The following LRP1B variants were observed in gnomAD, a reference collection of about 807,000 sequenced individuals.
LRP1B encodes the protein LDL receptor related protein 1B.
A neutral mutation model predicts 556.6 loss-of-function variants in LRP1B; 217 were observed. The observed-to-expected ratio is 0.39, with a 90% confidence interval of 0.35 to 0.44. LRP1B has a LOEUF of 0.44. Among genes scored for constraint, LRP1B ranks in the 20% least tolerant of loss-of-function variants. LRP1B has a pLI of 1.00. For missense variants in LRP1B, 5,053 were observed against 5,620.8 expected (o/e 0.90, Z 3.23); for synonymous variants, 2,047 against 1,865.8 (o/e 1.10, Z -2.50).
chr2:141,772,964 A>C (rs980615999), intron 2 of LRP1B, among the ~76,000 whole-genome samples: 4 of 152,196 alleles, frequency 2.6e-5, no homozygotes, highest in African/African-American at 9.7e-5. Context: ...TTTTGTTAAA[A>C]GACATCTCTG....
At chr2:140,772,104 T>C (rs1689333059) in intron 33 of LRP1B, among the ~76,000 whole-genome samples, 1 of 152,224 alleles carries the variant, frequency 6.6e-6, no homozygotes, top group Admixed American at 6.5e-5. Flanking sequence ...TGGCCACTGA[T>C]GAAATCCATT....
At chr2:141,822,481 T>C (rs1456332982) in intron 1 of LRP1B, among the ~76,000 whole-genome samples, 2 of 152,110 alleles carry the variant, frequency 1.3e-5, no homozygotes. Context: ...CTCTATTTTC[T>C]AAATCCTACA....
At chr2:141,637,052 C>T (rs766241060) in intron 2 of LRP1B, among the ~76,000 whole-genome samples, 3 of 151,942 alleles carry the variant, frequency 2.0e-5, no homozygotes, top group African/African-American at 7.2e-5. Context: ...AATTTTTTCT[C>T]GAGAATATAT....
chr2:141,397,618 T>C (rs1288541054), intron 3 of LRP1B, among the ~76,000 whole-genome samples: 3 of 151,898 alleles, frequency 2.0e-5, no homozygotes, highest in Non-Finnish European at 4.4e-5. Context: ...ACCTGGATTT[T>C]TTATTGCTAT....
At chr2:141,383,572 A>G (rs1041902969) in intron 3 of LRP1B, among the ~76,000 whole-genome samples, 1 of 152,148 alleles carries the variant, frequency 6.6e-6, no homozygotes, top group Non-Finnish European at 1.5e-5. Context: ...ATATTATGTC[A>G]AAAATGTATT....
intron 7 of LRP1B, among the ~76,000 whole-genome samples, chr2:141,146,592 C>A (rs1015685567): frequency 3.9e-5 from 6 of 152,072 alleles, no homozygotes; most frequent in African/African-American, 1.4e-4. Flanking sequence ...AATATCCCTG[C>A]TTTATTAAAG....
intron 2 of LRP1B, among the ~76,000 whole-genome samples, chr2:141,636,045 C>T (rs1020634086): frequency 6.6e-6 from 1 of 152,040 alleles, no homozygotes; most frequent in Non-Finnish European, 1.5e-5. Context: ...TCTCCCTCCT[C>T]AATTGACAAT....
At chr2:141,217,633 C>T (rs1015657573) in intron 6 of LRP1B, among the ~76,000 whole-genome samples, 8 of 152,062 alleles carry the variant, frequency 5.3e-5, no homozygotes, top group Admixed American at 2.6e-4. Flanking sequence ...AACTAAAAAT[C>T]CCAGAAGAAA....
rs1686588029 is a variant in LRP1B at position 140,700,360 on chromosome 2, T to A, written c.6689A>T (p.Asp2230Val). 1.2e-6 allele frequency: 2 copies of A among 1,613,310 alleles called. No homozygotes were observed. Among genetic ancestry groups the A allele is most frequent in the Non-Finnish European group, 1.7e-6 (2 of 1,179,628 alleles). The change falls in exon 41 of 91, where the codon GAC (aspartate) becomes GTC (valine). Residue 2230 changes from aspartate (D) to valine (V), a missense_variant. Coordinates refer to ENST00000389484, the MANE Select transcript of LRP1B (RefSeq NM_018557.3). ...GGTACCTTTTCTTCTTTGATTATAG[T>A]CAAAAGCCAAGGCTATGACATTCTT... ...YFKNVIALAFDYNQRRKGTNR... is the reference protein window; with the variant it reads ...YFKNVIALAFVYNQRRKGTNR...
At chr2:140,322,116 T>G in intron 81 of LRP1B, 28 bp from the exon 82 acceptor site, 1 of 1,599,466 alleles carries the variant, frequency 6.3e-7, no homozygotes, top group Non-Finnish European at 8.5e-7. Flanking sequence ...AACAAAGAAG[T>G]GTGTAAATAT....
intron 29 of LRP1B, among the ~76,000 whole-genome samples, chr2:140,844,012 T>A (rs919458138): frequency 1.3e-5 from 2 of 152,136 alleles, no homozygotes; most frequent in African/African-American, 4.8e-5. Context: ...GTCAAATATG[T>A]CTATGTTGAG....
chr2:141,480,868 T>C (rs988524877), intron 2 of LRP1B, among the ~76,000 whole-genome samples: 5 of 152,198 alleles, frequency 3.3e-5, no homozygotes, highest in Non-Finnish European at 2.9e-5. Flanking sequence ...GCAGGGTACT[T>C]AAACTCCTTG....
At chr2:141,626,715 C>A (rs1280773193) in intron 2 of LRP1B, among the ~76,000 whole-genome samples, 1 of 152,146 alleles carries the variant, frequency 6.6e-6, no homozygotes, top group Non-Finnish European at 1.5e-5. Flanking sequence ...CATCATGTAT[C>A]ATCAGGGAAC....
intron 29 of LRP1B, among the ~76,000 whole-genome samples, chr2:140,849,439 T>C (rs977625498): frequency 6.6e-6 from 1 of 151,692 alleles, no homozygotes; most frequent in African/African-American, 2.4e-5. Flanking sequence ...AAGCCAGTCC[T>C]TCCTAATATC....
intron 7 of LRP1B, among the ~76,000 whole-genome samples, chr2:141,124,654 A>G (rs1356782696): frequency 2.1e-5 from 3 of 144,224 alleles, no homozygotes; most frequent in Non-Finnish European, 4.5e-5. Flanking sequence ...GAAGAGATGG[A>G]GTGACAAATG....
At chr2:141,096,734 T>C (rs1700333935) in intron 7 of LRP1B, among the ~76,000 whole-genome samples, 1 of 146,858 alleles carries the variant, frequency 6.8e-6, no homozygotes, top group African/African-American at 2.6e-5. Context: ...AGTTGTATGG[T>C]CAAGTAACAT....
rs539589401 is a variant in LRP1B, at chr2:141,177,178, A to G, written c.1013+11243T>C. ...ATCAGAGAATTCTTAAATCAAACAC[A>G]TAGGAGTCACAAGAAGGAAGGAGGC... On this transcript the variant is annotated intron_variant, in intron 7 of 90. Coordinates refer to ENST00000389484, the MANE Select transcript of LRP1B (RefSeq NM_018557.3). 5.9e-4 allele frequency among the ~76,000 whole-genome samples: 90 copies of G among 152,218 alleles called. 1 individual carries two copies. The highest frequency in any genetic ancestry group is 2.0e-3 in the African/African-American group (85 of 41,564).
At chr2:141,270,561 T>C (rs1441728454) in intron 3 of LRP1B, among the ~76,000 whole-genome samples, 1 of 151,942 alleles carries the variant, frequency 6.6e-6, no homozygotes, top group Admixed American at 6.6e-5. Flanking sequence ...ATGAATGAAT[T>C]AACATAATAT....
At chr2:141,936,196 T>G (rs1029726179) in intron 1 of LRP1B, among the ~76,000 whole-genome samples, 5 of 152,142 alleles carry the variant, frequency 3.3e-5, no homozygotes, top group Admixed American at 1.3e-4. Context: ...GGCATTTAAA[T>G]TCTATTCAGA....
Sources: allele counts gnomAD v4.1 joint callset (sites outside exome capture counted in the v4.1 genomes callset), GRCh38; gene constraint gnomAD v4.1.1; transcripts MANE v1.5; gene names NCBI Gene and HGNC (gene_info 2026-07-23, HGNC 2026-07-21).